Variants in AGPS observed in about 807,000 individuals in gnomAD.
AGPS encodes alkylglycerone phosphate synthase, also known as alkyldihydroxyacetonephosphate synthase, peroxisomal.
Under a neutral mutation model 90.7 loss-of-function variants are expected in AGPS, and 26 were observed. That is an observed-to-expected ratio of 0.29 (90% CI 0.21 to 0.40). The LOEUF (loss-of-function observed/expected upper bound fraction) is 0.40, where lower values mean the gene tolerates loss of function less well. Among genes scored for constraint, AGPS ranks in the 10% least tolerant of loss-of-function variants. The pLI is 1.00. For synonymous variants in AGPS, 294 were observed against 285.3 expected, an observed-to-expected ratio of 1.03 and a Z score of -0.31; for missense variants, 540 against 816.1, an observed-to-expected ratio of 0.66 and a Z score of 4.12.
At chr2:177,495,322 T>C (rs1688380114) in intron 12 of AGPS, among the ~76,000 whole-genome samples, 1 of 152,168 alleles carries the variant, frequency 6.6e-6, no homozygotes, top group Non-Finnish European at 1.5e-5. Flanking sequence ...TAGCACACTT[T>C]ATAAAATTCT....
chr2:177,518,914 G>T (rs779717883), intron 17 of AGPS, among the ~76,000 whole-genome samples: 1 of 152,014 alleles, frequency 6.6e-6, no homozygotes, highest in Non-Finnish European at 1.5e-5. Context: ...ATTGAGGCAA[G>T]GTGTGAAGAT....
rs145984112 is a variant in AGPS, at chr2:177,485,501, A to G, written c.1233+3315A>G. Among the ~76,000 whole-genome samples the G allele has an allele frequency of 2.1e-3, 325 of 152,320 alleles. 2 individuals carry two copies. Among genetic ancestry groups the G allele is most frequent in the African/African-American group, 7.4e-3 (308 of 41,572 alleles). On this transcript the variant is annotated intron_variant, in intron 11 of 19. Coordinates refer to ENST00000264167, the MANE Select transcript of AGPS (RefSeq NM_003659.4). ...GTGACACAGAAGACCTACTTGTGCT[A>G]TTGAAAAGCAAGTATGGAATTTTCC...
intron 16 of AGPS, among the ~76,000 whole-genome samples, chr2:177,512,017 A>G (rs1326887195): frequency 6.6e-6 from 1 of 152,186 alleles, no homozygotes; most frequent in Non-Finnish European, 1.5e-5. Context: ...ACAGCAGATG[A>G]TTGTATTCTT....
At chr2:177,531,788 G>C (rs960197010) in intron 19 of AGPS, among the ~76,000 whole-genome samples, 1 of 152,078 alleles carries the variant, frequency 6.6e-6, no homozygotes. Flanking sequence ...GTTATTGGAG[G>C]AGGACACATA....
chr2:177,413,336 G>A (rs1685678337), intron 1 of AGPS, among the ~76,000 whole-genome samples: 1 of 152,180 alleles, frequency 6.6e-6, no homozygotes, highest in South Asian at 2.1e-4. Context: ...GGAGACATTT[G>A]TATTTTCTTT....
At chr2:177,534,471 C>T (rs552495162) in intron 19 of AGPS, among the ~76,000 whole-genome samples, 1 of 152,024 alleles carries the variant, frequency 6.6e-6, no homozygotes, top group East Asian at 1.9e-4. Flanking sequence ...TTGTTTGATC[C>T]AGTCTCTATA....
chr2:177,411,414 C>T (rs1309615861), intron 1 of AGPS, among the ~76,000 whole-genome samples: 3 of 152,162 alleles, frequency 2.0e-5, no homozygotes, highest in African/African-American at 4.8e-5. Flanking sequence ...CCTTCTAGCA[C>T]GCAAGTTAGT....
intron 9 of AGPS, among the ~76,000 whole-genome samples, chr2:177,462,556 T>C (rs1659652161): frequency 6.6e-6 from 1 of 152,162 alleles, no homozygotes; most frequent in Admixed American, 6.5e-5. Context: ...TGACTACATT[T>C]TAAGCTTTGT....
At chr2:177,522,185 A>G (rs1397574614) in intron 18 of AGPS, among the ~76,000 whole-genome samples, 1 of 152,112 alleles carries the variant, frequency 6.6e-6, no homozygotes, top group Non-Finnish European at 1.5e-5. Flanking sequence ...CCATCACCCC[A>G]GTCAGAATAA....
intron 16 of AGPS, among the ~76,000 whole-genome samples, chr2:177,510,440 A>T (rs1042535812): frequency 4.6e-5 from 7 of 152,226 alleles, no homozygotes; most frequent in Non-Finnish European, 8.8e-5. Context: ...GAGGGATGCA[A>T]ACATTCAGTC....
chr2:177,479,703 A>G (rs1180038852), intron 10 of AGPS, among the ~76,000 whole-genome samples: 1 of 152,202 alleles, frequency 6.6e-6, no homozygotes, highest in Non-Finnish European at 1.5e-5. Context: ...TTTTACATGA[A>G]ATGTCCAGAA....
At chr2:177,457,298 C>A (rs1574383188) in intron 8 of AGPS, among the ~76,000 whole-genome samples, 1 of 152,172 alleles carries the variant, frequency 6.6e-6, no homozygotes, top group African/African-American at 2.4e-5. Flanking sequence ...GAAGCAACAG[C>A]AAATTCAAAC....
chr2:177,409,906 T>A (rs534621728), intron 1 of AGPS, among the ~76,000 whole-genome samples: 1 of 152,338 alleles, frequency 6.6e-6, no homozygotes, highest in Non-Finnish European at 1.5e-5. Context: ...TTTGGCACAC[T>A]TCACAGGCCC....
At position 177,538,791 on chromosome 2, in the gene AGPS, A is replaced by G. The variant is rs1428327165; in HGVS notation, c.*596A>G. On this transcript the variant is annotated 3_prime_UTR_variant, in exon 20 of 20. Transcript: ENST00000264167. ...ACATGCATAAAACCTTGTATCATCA[A>G]TATACAAATTATTCTGTTAGGGGAC... 6.5e-6 allele frequency: 1 copy of G among 153,024 alleles called. No individual in the cohort carries two copies. The highest frequency in any genetic ancestry group is 2.4e-5 in the African/African-American group (1 of 41,402). 9.5% of individuals were successfully genotyped at this position (153,024 alleles called of 1,614,324 possible).
At chr2:177,536,794 T>C (rs1213882806) in intron 19 of AGPS, among the ~76,000 whole-genome samples, 1 of 152,182 alleles carries the variant, frequency 6.6e-6, no homozygotes. Context: ...TTTCTGAGAT[T>C]ATCACAGTAT....
chr2:177,409,878 A>G (rs981330722), intron 1 of AGPS, among the ~76,000 whole-genome samples: 2 of 152,216 alleles, frequency 1.3e-5, no homozygotes, highest in East Asian at 3.9e-4. Flanking sequence ...TATGGCCTGC[A>G]GTGCAGGGGA....
At chr2:177,399,681 A>T (rs1353054347) in intron 1 of AGPS, among the ~76,000 whole-genome samples, 1 of 152,196 alleles carries the variant, frequency 6.6e-6, no homozygotes, top group Non-Finnish European at 1.5e-5. Flanking sequence ...CTTTTGCAGA[A>T]TGAACACATC....
intron 17 of AGPS, among the ~76,000 whole-genome samples, chr2:177,516,561 G>T (rs1256296422): frequency 6.6e-6 from 1 of 152,026 alleles, no homozygotes; most frequent in Non-Finnish European, 1.5e-5. Flanking sequence ...TATTCCATAA[G>T]GTGTTTTTCA....
At chr2:177,501,618 T>G (rs79449580) in intron 14 of AGPS, among the ~76,000 whole-genome samples, 1 of 152,338 alleles carries the variant, frequency 6.6e-6, no homozygotes, top group African/African-American at 2.4e-5. Flanking sequence ...ATTTTCATCT[T>G]TAGGTATTTG....
Sources: allele counts gnomAD v4.1 joint callset (sites outside exome capture counted in the v4.1 genomes callset), GRCh38; gene constraint gnomAD v4.1.1; transcripts MANE v1.5; gene names NCBI Gene and HGNC (gene_info 2026-07-23, HGNC 2026-07-21).